SI: variants seen among roughly 807,000 people sequenced by gnomAD.
SI encodes the protein sucrase-isomaltase, intestinal.
In SI, 235 loss-of-function variants were observed where a neutral mutation model predicts 253.3. The ratio of observed to expected loss-of-function variants is 0.93; its 90% CI spans 0.83 to 1.03. The LOEUF is 1.03. Ranked by LOEUF, SI falls within the 50% of genes least tolerant of loss-of-function variation. The probability of loss-of-function intolerance (pLI) is 0.00; values close to 1 mark genes in which losing one functional copy is unlikely to be tolerated. For synonymous variants in SI, 819 were observed against 712.0 expected (o/e 1.15, Z -2.39); for missense variants, 2,442 against 2,211.1 (o/e 1.10, Z -2.09).
chr3:165,076,221 G>A (rs1165017934), intron 1 of SI, among the ~76,000 whole-genome samples: 1 of 151,680 alleles, frequency 6.6e-6, no homozygotes. Flanking sequence ...GATATAAAAT[G>A]TAAGCAACAC....
chr3:165,079,018 C>T (rs1041143372), upstream of SI, among the ~76,000 whole-genome samples: 1 of 151,376 alleles, frequency 6.6e-6, no homozygotes, highest in African/African-American at 2.4e-5. Flanking sequence ...TAGAGGTGCC[C>T]AGATCAGTAA....
chr3:165,079,272 A>G (rs1715196409), upstream of SI, among the ~76,000 whole-genome samples: 1 of 151,646 alleles, frequency 6.6e-6, no homozygotes. Context: ...CTATAAAATC[A>G]CTAAAAGAAT....
intron 25 of SI, among the ~76,000 whole-genome samples, chr3:165,027,592 T>C (rs1049432871): frequency 6.6e-6 from 1 of 151,030 alleles, no homozygotes. Flanking sequence ...TTCAACAACA[T>C]ATCAAAAAGA....
At position 164,996,598 on chromosome 3, in the gene SI, G is replaced by T; in HGVS notation, c.4629C>A (p.Thr1543=). ...FFNNSEYHLC[T]RWMQLGAFYP... ...AAAATGCTCCAAGTTGCATCCAGCG[G>T]GTACAGAGATGATATTCTGAGTTGT... The change falls in exon 40 of 48, where the codon ACC becomes ACA. Residue 1543 remains threonine (T), a synonymous_variant. Coordinates refer to ENST00000264382, the MANE Select transcript of SI (RefSeq NM_001041.4). 3 of 1,610,122 alleles carry T rather than the reference G, an allele frequency of 1.9e-6. No individual in the cohort carries two copies. Among genetic ancestry groups the T allele is most frequent in the Non-Finnish European group, 2.5e-6 (3 of 1,177,126 alleles).
chr3:165,063,006 A>G (rs2108254921), intron 8 of SI, among the ~76,000 whole-genome samples: 1 of 152,220 alleles, frequency 6.6e-6, no homozygotes, highest in Middle Eastern at 3.4e-3. Flanking sequence ...TTCACCTATT[A>G]GATACTACAC....
Position 165,018,053 on chromosome 3 carries a change from G to C in SI, c.3437C>G (p.Ser1146Cys). Residue 1146 changes from serine to cysteine, a missense_variant, in exon 29 of 48, where the codon TCC (serine) becomes TGC (cysteine). Transcript: ENST00000264382. ...CATGTAATAGGGATGAAATCCATAGGAATTAAGTTTGTACTGAAATACGAA... is the reference window on the plus strand; with the variant it reads ...CATGTAATAGGGATGAAATCCATAGCAATTAAGTTTGTACTGAAATACGAA... ...RDQPPGYKLN[S>C]YGFHPYYMAL... is the part of the protein sequence containing the mutation. The C allele has an allele frequency of 6.2e-7, 1 of 1,602,300 alleles. No homozygotes were observed. Among genetic ancestry groups the C allele is most frequent in the East Asian group, 2.2e-5 (1 of 44,726 alleles).
intron 12 of SI, among the ~76,000 whole-genome samples, chr3:165,056,373 G>A (rs1006339277): frequency 6.4e-5 from 9 of 141,188 alleles, no homozygotes; most frequent in African/African-American, 2.3e-4. Flanking sequence ...AGCCTCCAGT[G>A]ACCATCCCCC....
intron 16 of SI, among the ~76,000 whole-genome samples, chr3:165,043,714 G>GT (rs1350919298): frequency 6.6e-6 from 1 of 151,852 alleles, no homozygotes; most frequent in Non-Finnish European, 1.5e-5. Flanking sequence ...TGAATTTAGT[G>GT]TTTACCATTT....
chr3:165,047,118 G>T, intron 15 of SI, 106 bp from the exon 16 acceptor site: 1 of 853,030 alleles, frequency 1.2e-6, no homozygotes, highest in East Asian at 2.7e-5. Context: ...TAGTTTGGCT[G>T]TGTCCCCACC....
At chr3:165,049,927 A>G (rs1460827129) in intron 13 of SI, 52 bp from the exon 14 acceptor site, 1 of 1,113,754 alleles carries the variant, frequency 9.0e-7, no homozygotes, top group Non-Finnish European at 1.4e-6. Context: ...TATAAATCCT[A>G]TTAGCAGAAA....
chr3:165,006,507 T>C (rs948744953), intron 37 of SI, among the ~76,000 whole-genome samples: 3 of 152,110 alleles, frequency 2.0e-5, no homozygotes, highest in Non-Finnish European at 2.9e-5. Context: ...TAAATATTAA[T>C]CCAATATTAT....
intron 3 of SI, 181 bp downstream of exon 3, chr3:165,074,345 TAAAGG>T (rs1714800511): frequency 3.0e-6 from 1 of 336,404 alleles, no homozygotes; most frequent in Non-Finnish European, 5.3e-6. Flanking sequence ...TGAGCAGAGA[TAAAGG>T]AAAGCAAGGT....
At chr3:165,003,997 G>A (rs927186464) in intron 37 of SI, among the ~76,000 whole-genome samples, 31 of 151,920 alleles carry the variant, frequency 2.0e-4, no homozygotes, top group Non-Finnish European at 3.1e-4. Context: ...ATCAAAAGAC[G>A]CAGTGAAAAG....
the SI span, among the ~76,000 whole-genome samples, chr3:165,089,987 C>A: frequency 4.6e-5 from 7 of 152,000 alleles, no homozygotes; most frequent in African/African-American, 1.7e-4. Flanking sequence ...TGGAAAATGA[C>A]AGCTCTTTTT....
chr3:165,007,852 TACCTATTA>T, intron 36 of SI, 51 bp downstream of exon 36: 1 of 685,338 alleles, frequency 1.5e-6, no homozygotes, highest in Non-Finnish European at 2.5e-6. Context: ...TTATATTATA[TACCTATTA>T]ATATATAATA....
At chr3:164,990,603 T>C (rs762865103) in intron 44 of SI, among the ~76,000 whole-genome samples, 1 of 152,096 alleles carries the variant, frequency 6.6e-6, no homozygotes, top group Non-Finnish European at 1.5e-5. Context: ...TGTAGGGACA[T>C]AGATGAAGCT....
intron 15 of SI, among the ~76,000 whole-genome samples, chr3:165,047,357 C>A (rs1713178630): frequency 6.6e-6 from 1 of 151,852 alleles, no homozygotes; most frequent in South Asian, 2.1e-4. Flanking sequence ...TGTCTTCTGC[C>A]ATGATTGTGA....
At chr3:165,044,751 G>A (rs1713023548) in intron 16 of SI, among the ~76,000 whole-genome samples, 1 of 151,708 alleles carries the variant, frequency 6.6e-6, no homozygotes, top group Admixed American at 6.6e-5. Flanking sequence ...TTTTCATTTT[G>A]TTGTAGTCAA....
intron 16 of SI, 21 bp downstream of exon 16, chr3:165,046,820 C>A (rs1221091657): frequency 6.3e-7 from 1 of 1,581,082 alleles, no homozygotes. Context: ...TTATGAGTAA[C>A]ACTCTATGAA....
Sources: allele counts gnomAD v4.1 joint callset (sites outside exome capture counted in the v4.1 genomes callset), GRCh38; gene constraint gnomAD v4.1.1; transcripts MANE v1.5; gene names NCBI Gene and HGNC (gene_info 2026-07-23, HGNC 2026-07-21).